Variants in THEMIS observed in about 807,000 individuals in gnomAD.
The protein encoded by THEMIS is protein THEMIS.
In THEMIS, 37 loss-of-function variants were observed where a neutral mutation model predicts 52.6. The ratio of observed to expected loss-of-function variants is 0.70; its 90% CI spans 0.54 to 0.93. The LOEUF is 0.93. Among genes scored for constraint, THEMIS ranks in the 40% least tolerant of loss-of-function variants. The pLI is 0.00. For synonymous variants in THEMIS, 292 were observed against 272.7 expected, an observed-to-expected ratio of 1.07 and a Z score of -0.70; for missense variants, 808 against 763.1, an observed-to-expected ratio of 1.06 and a Z score of -0.69.
chr6:127,759,992 C>G (rs571781076), intron 4 of THEMIS, among the ~76,000 whole-genome samples: 1 of 151,826 alleles, frequency 6.6e-6, no homozygotes, highest in East Asian at 1.9e-4. Flanking sequence ...ACTGAAAACC[C>G]TATGATTTTT....
chr6:127,758,868 A>C (rs534902849), intron 4 of THEMIS, among the ~76,000 whole-genome samples: 1 of 152,282 alleles, frequency 6.6e-6, no homozygotes, highest in African/African-American at 2.4e-5. Flanking sequence ...AGTTTACAAG[A>C]CTTTTGAGTC....
At chr6:127,751,576 C>T (rs139464662) in intron 4 of THEMIS, among the ~76,000 whole-genome samples, 16 of 151,474 alleles carry the variant, frequency 1.1e-4, no homozygotes, top group African/African-American at 3.4e-4. Context: ...AAAATTATCA[C>T]AGGAGACAAA....
At chr6:127,785,410 A>G (rs953932336) in intron 4 of THEMIS, among the ~76,000 whole-genome samples, 2 of 152,074 alleles carry the variant, frequency 1.3e-5, no homozygotes, top group African/African-American at 2.4e-5. Flanking sequence ...GCACATGTAT[A>G]CATATGTAAC....
Position 127,809,560 on chromosome 6 carries a change from A to G in THEMIS, c.1758+3323T>C, listed in dbSNP as rs568912429. Among the ~76,000 whole-genome samples the G allele has an allele frequency of 5.6e-4, 85 of 152,290 alleles. 2 individuals are homozygous for G. The highest frequency in any genetic ancestry group is 1.5e-4 in the Non-Finnish European group (10 of 68,010). On this transcript the variant is annotated intron_variant, in intron 4 of 5. Transcript: ENST00000368248. ...TCAGAGAAAATATAATGCTTTATCT[A>G]TCACACTAGAATTAAAGGAACTATT...
chr6:127,833,493 C>G (rs988792172), intron 2 of THEMIS, among the ~76,000 whole-genome samples: 4 of 152,132 alleles, frequency 2.6e-5, no homozygotes, highest in Non-Finnish European at 4.4e-5. Context: ...TCAATCTGAG[C>G]TTTGACATCC....
intron 2 of THEMIS, among the ~76,000 whole-genome samples, chr6:127,849,769 A>G (rs1289922275): frequency 6.6e-6 from 1 of 152,024 alleles, no homozygotes; most frequent in Non-Finnish European, 1.5e-5. Flanking sequence ...GTTGATATAT[A>G]AGACCTGAAA....
At chr6:127,734,072 C>T (rs541907614) in intron 4 of THEMIS, among the ~76,000 whole-genome samples, 1 of 152,054 alleles carries the variant, frequency 6.6e-6, no homozygotes, top group Admixed American at 6.5e-5. Context: ...GTGGTAAACT[C>T]TATAAAACAA....
intron 2 of THEMIS, among the ~76,000 whole-genome samples, chr6:127,847,889 A>AATTATT (rs71543127): frequency 0.12 from 17,730 of 146,412 alleles, 1,188 homozygotes; most frequent in African/African-American, 0.18. Context: ...CTCAATTTCA[A>AATTATT]ATTATTATTA....
chr6:127,742,345 C>CA (rs987178753), intron 4 of THEMIS, among the ~76,000 whole-genome samples: 1 of 134,866 alleles, frequency 7.4e-6, no homozygotes, highest in Non-Finnish European at 1.6e-5. Context: ...AAAAAACAAA[C>CA]AAAAAAACAA....
At chr6:127,865,861 A>G (rs1352631012) in intron 1 of THEMIS, among the ~76,000 whole-genome samples, 2 of 152,114 alleles carry the variant, frequency 1.3e-5, no homozygotes, top group African/African-American at 4.8e-5. Flanking sequence ...TCACTTAATG[A>G]GTTAAAAATC....
At chr6:127,915,472 G>C (rs1453862290) in intron 1 of THEMIS, among the ~76,000 whole-genome samples, 1 of 151,890 alleles carries the variant, frequency 6.6e-6, no homozygotes, top group Non-Finnish European at 1.5e-5. Context: ...TTGCTATTCG[G>C]CCCTGATTTG....
chr6:127,894,975 T>A (rs1239512613), intron 1 of THEMIS, among the ~76,000 whole-genome samples: 1 of 148,624 alleles, frequency 6.7e-6, no homozygotes, highest in Non-Finnish European at 1.5e-5. Flanking sequence ...ATACATATAT[T>A]TATATGAATA....
chr6:127,746,021 A>G (rs1248344295), intron 4 of THEMIS, among the ~76,000 whole-genome samples: 1 of 151,802 alleles, frequency 6.6e-6, no homozygotes, highest in African/African-American at 2.4e-5. Flanking sequence ...TTAGAGCATA[A>G]ATTGTTTGAT....
At chr6:127,740,480 A>C (rs1775163022) in intron 4 of THEMIS, among the ~76,000 whole-genome samples, 1 of 152,250 alleles carries the variant, frequency 6.6e-6, no homozygotes, top group Admixed American at 6.5e-5. Flanking sequence ...TGATTTAATC[A>C]AACTCAACTG....
chr6:127,721,915 G>A (rs1583198451), intron 4 of THEMIS, among the ~76,000 whole-genome samples: 2 of 152,042 alleles, frequency 1.3e-5, no homozygotes, highest in East Asian at 3.9e-4. Flanking sequence ...AAAACATTGA[G>A]GGAAAGTTAA....
At chr6:127,751,561 A>T (rs1775645258) in intron 4 of THEMIS, among the ~76,000 whole-genome samples, 1 of 151,686 alleles carries the variant, frequency 6.6e-6, no homozygotes, top group Admixed American at 6.6e-5. Flanking sequence ...ACAGACTTTA[A>T]GTCAAAAATT....
chr6:127,842,942 T>C lies in THEMIS; in HGVS notation c.250+12088A>G, dbSNP rs192090699. Among the ~76,000 whole-genome samples the C allele has an allele frequency of 3.8e-3, 583 of 152,134 alleles. 13 individuals are homozygous for C. Among genetic ancestry groups the C allele is most frequent in the East Asian group, 2.3e-3 (12 of 5,146 alleles). On this transcript the variant is annotated intron_variant, in intron 2 of 5. Transcript: ENST00000368248. The stretch of plus-strand genomic sequence containing the variant: ...ACTGTCTCCTTAGTGATGTAATTCA[T>C]GGAAGGGTGGTATCACCCTAGTAGC...
Position 127,752,535 on chromosome 6 carries a change from T to G in THEMIS, c.1759-32712A>C, listed in dbSNP as rs144491213. ...GATGAACAAATATACACCAACATAT[T>G]GGTAAACCAAGAAGAAAGAGATTTA... is the stretch of plus-strand genomic sequence containing the variant. On this transcript the variant is annotated intron_variant, in intron 4 of 5. Transcript: ENST00000368248. Among the ~76,000 whole-genome samples the G allele has an allele frequency of 3.4e-3, 520 of 151,500 alleles. 3 individuals are homozygous for G. The highest frequency in any genetic ancestry group is 0.012 in the African/African-American group (483 of 41,458).
At chr6:127,854,020 GA>G (rs969431634) in intron 2 of THEMIS, among the ~76,000 whole-genome samples, 67 of 151,796 alleles carry the variant, frequency 4.4e-4, no homozygotes, top group African/African-American at 1.6e-3. Flanking sequence ...TAAGATTTAT[GA>G]GATTTTTCTC....
Sources: allele counts gnomAD v4.1 joint callset (sites outside exome capture counted in the v4.1 genomes callset), GRCh38; gene constraint gnomAD v4.1.1; transcripts MANE v1.5; gene names NCBI Gene and HGNC (gene_info 2026-07-23, HGNC 2026-07-21).